ITPK1: variants seen among roughly 807,000 people sequenced by gnomAD.
The protein encoded by ITPK1 is inositol-tetrakisphosphate 1-kinase.
ITPK1 carries 21 observed loss-of-function variants against 45.3 expected under a neutral mutation model. The observed-to-expected ratio is 0.46, with a 90% CI of 0.33 to 0.67. ITPK1 has a LOEUF of 0.67. Among genes scored for constraint, ITPK1 ranks in the 30% least tolerant of loss-of-function variants. The probability of loss-of-function intolerance (pLI) is 0.02; values close to 1 mark genes in which losing one functional copy is unlikely to be tolerated. For missense variants in ITPK1, 474 were observed against 573.5 expected, an observed-to-expected ratio of 0.83 and a Z score of 1.77; for synonymous variants, 258 against 253.6, an observed-to-expected ratio of 1.02 and a Z score of -0.16.
At chr14:93,039,775 T>C (rs1260281078) in intron 3 of ITPK1, among the ~76,000 whole-genome samples, 1 of 152,222 alleles carries the variant, frequency 6.6e-6, no homozygotes, top group Non-Finnish European at 1.5e-5. Context: ...TCAAAAACAC[T>C]TGAGGAGCTA....
chr14:93,111,179 C>T (rs1322123267), intron 2 of ITPK1, among the ~76,000 whole-genome samples: 1 of 152,128 alleles, frequency 6.6e-6, no homozygotes, highest in African/African-American at 2.4e-5. Flanking sequence ...AAAGCTTCAC[C>T]AAGTCATGTG....
chr14:93,088,348 T>TTTTTG (rs1566779303), intron 2 of ITPK1, among the ~76,000 whole-genome samples: 32 of 146,856 alleles, frequency 2.2e-4, no homozygotes, highest in African/African-American at 8.1e-4. Flanking sequence ...TTTGTTTTTT[T>TTTTTG]TTTTTTTTTG....
At position 92,941,826 on chromosome 14, in the gene ITPK1, A is replaced by T; in HGVS notation, c.980T>A (p.Met327Lys). Residue 327 changes from methionine (M) to lysine (K), a missense_variant, in exon 11 of 11, where the codon ATG (methionine) becomes AAG (lysine). Physicochemically the swap from Met to Lys is moderately conservative, Grantham distance 95. This residue lies in a region of ITPK1 where 367 missense variants were observed against 480.6 expected (regional missense o/e 0.76). Coordinates refer to ENST00000267615, the MANE Select transcript of ITPK1 (RefSeq NM_014216.6). The stretch of plus-strand genomic sequence containing the variant: ...CAGGGCCACGTCCCCTGTGGCTGCC[A>T]TGGCTGTGCTCTGGCCCTGCAGGAC... ...ATVLQGQSTA[M>K]AATGDVALLR... 6.2e-7 allele frequency: 1 copy of T among 1,612,108 alleles called. No homozygotes were observed. The highest frequency in any genetic ancestry group is 8.5e-7 in the Non-Finnish European group (1 of 1,179,832).
In ITPK1 at chr14:93,099,227, C is replaced by T. The variant is rs114296184; in HGVS notation, c.95+15842G>A. Among the ~76,000 whole-genome samples the T allele has an allele frequency of 6.5e-3, 991 of 152,236 alleles. 10 individuals are homozygous for T. The highest frequency in any genetic ancestry group is 0.023 in the African/African-American group (944 of 41,536). On this transcript the variant is annotated intron_variant, in intron 2 of 10. Coordinates refer to ENST00000267615, the MANE Select transcript of ITPK1 (RefSeq NM_014216.6). ...TGTCCTGGACAGGAGTGGCCCTCCCCAGACCAACACTCCCCTCCAGCTCCG... is the reference window on the plus strand; with the variant it reads ...TGTCCTGGACAGGAGTGGCCCTCCCTAGACCAACACTCCCCTCCAGCTCCG...
chr14:92,939,627 C>G lies in ITPK1; in HGVS notation c.*1934G>C. The stretch of plus-strand genomic sequence containing the variant: ...CCACCACGGAGGCCTATGGACGCCA[C>G]CACGACACCACATGGCAGTTACTCG... On this transcript the variant is annotated 3_prime_UTR_variant, in exon 11 of 11. Transcript: ENST00000267615. 1 of 971,982 alleles carries G rather than the reference C, an allele frequency of 1.0e-6. No individual in the cohort carries two copies. Among genetic ancestry groups the G allele is most frequent in the Non-Finnish European group, 1.2e-6 (1 of 817,760 alleles). 60.2% of individuals were successfully genotyped at this position (971,982 alleles called of 1,614,324 possible).
chr14:93,049,625 A>T (rs1480169259), intron 3 of ITPK1, among the ~76,000 whole-genome samples: 3 of 151,894 alleles, frequency 2.0e-5, no homozygotes, highest in Non-Finnish European at 2.9e-5. Context: ...TCGATGAAAG[A>T]TCATTCTGCC....
At chr14:93,082,373 C>T (rs1419965817) in intron 2 of ITPK1, among the ~76,000 whole-genome samples, 2 of 152,178 alleles carry the variant, frequency 1.3e-5, no homozygotes, top group African/African-American at 4.8e-5. Flanking sequence ...CTTAGATGAA[C>T]ACAATTCGGG....
chr14:92,960,957 G>T (rs1020560179), intron 7 of ITPK1, among the ~76,000 whole-genome samples: 1 of 152,196 alleles, frequency 6.6e-6, no homozygotes, highest in Admixed American at 6.5e-5. Context: ...ACGGCGGGCT[G>T]TCTCCACACT....
At chr14:93,013,676 C>T (rs960064250) in intron 4 of ITPK1, among the ~76,000 whole-genome samples, 7 of 152,340 alleles carry the variant, frequency 4.6e-5, no homozygotes, top group Non-Finnish European at 8.8e-5. Context: ...ATGGGAGGAC[C>T]CCAGCTCTGG....
At chr14:93,022,527 T>C (rs1888522323) in intron 3 of ITPK1, among the ~76,000 whole-genome samples, 1 of 151,850 alleles carries the variant, frequency 6.6e-6, no homozygotes, top group Non-Finnish European at 1.5e-5. Context: ...TTTTTTTTTT[T>C]TTTTTGAGAC....
In ITPK1 at chr14:92,939,056, A is replaced by T. The variant is rs1887231813; in HGVS notation, c.*2505T>A. ...ACTCAGAAGCAGAAGCTTAGGAACC[A>T]GAGCCCCAAGCCACCCCGATGCTGG... On this transcript the variant is annotated 3_prime_UTR_variant, in exon 11 of 11. Transcript: ENST00000267615. 1 of 156,756 alleles carries T rather than the reference A, an allele frequency of 6.4e-6. No individual in the cohort carries two copies. The highest frequency in any genetic ancestry group is 2.4e-5 in the African/African-American group (1 of 41,532). 9.7% of individuals were successfully genotyped at this position (156,756 alleles called of 1,614,324 possible).
Position 93,032,779 on chromosome 14 carries a change from A to T in ITPK1, c.121-15978T>A, listed in dbSNP as rs1463657580. On this transcript the variant is annotated intron_variant, in intron 3 of 10. Coordinates refer to ENST00000267615, the MANE Select transcript of ITPK1 (RefSeq NM_014216.6). This position sits in a 1 kb window ranked among gnomAD's most constrained non-coding sequence, Gnocchi z 4.0. The stretch of plus-strand genomic sequence containing the variant: ...GCTGTGACCCTGGTGAGTTGCTGGG[A>T]CTCACGAAGGGGCCATCGCACTCTG... 2.6e-5 allele frequency among the ~76,000 whole-genome samples: 4 copies of T among 152,130 alleles called. No individual in the cohort carries two copies. Among genetic ancestry groups the T allele is most frequent in the African/African-American group, 9.7e-5 (4 of 41,432 alleles).
At chr14:93,052,583 G>A (rs1303638362) in intron 3 of ITPK1, among the ~76,000 whole-genome samples, 3 of 152,162 alleles carry the variant, frequency 2.0e-5, no homozygotes, top group Admixed American at 6.5e-5. Flanking sequence ...GTAGGGGGAC[G>A]GGAGATCCTT....
chr14:93,066,501 T>G (rs1595183898), intron 3 of ITPK1: 1 of 322,070 alleles, frequency 3.1e-6, no homozygotes, highest in East Asian at 9.3e-5. Flanking sequence ...GCCTCCCGCG[T>G]TCGCGCCATT....
At chr14:93,083,075 G>A (rs1405100929) in intron 2 of ITPK1, among the ~76,000 whole-genome samples, 2 of 152,204 alleles carry the variant, frequency 1.3e-5, no homozygotes, top group African/African-American at 4.8e-5. Context: ...CTGAGGGAGA[G>A]GGGATGATAA....
intron 2 of ITPK1, among the ~76,000 whole-genome samples, chr14:93,106,961 A>G (rs1892551159): frequency 7.2e-6 from 1 of 138,982 alleles, no homozygotes; most frequent in South Asian, 2.3e-4. Context: ...ATCCACTAAC[A>G]TACTTTTTTT....
intron 3 of ITPK1, among the ~76,000 whole-genome samples, chr14:93,019,180 G>C: frequency 6.6e-6 from 1 of 152,220 alleles, no homozygotes; most frequent in East Asian, 1.9e-4. Flanking sequence ...AGCGCAGGGG[G>C]AGCCGGGCCA....
chr14:93,067,116 C>G (rs1238185088), intron 3 of ITPK1, among the ~76,000 whole-genome samples: 3 of 152,236 alleles, frequency 2.0e-5, no homozygotes, highest in Non-Finnish European at 4.4e-5. Context: ...GCTTCTGGCC[C>G]TTTCTAAAAC....
rs546950315 is a variant in ITPK1, at chr14:93,036,642, G to C, written c.121-19841C>G. 6.6e-6 allele frequency among the ~76,000 whole-genome samples: 1 copy of C among 151,930 alleles called. No homozygotes were observed. The highest frequency in any genetic ancestry group is 1.9e-4 in the East Asian group (1 of 5,162). ...ACCAGGCTCAGCACCCCAGGGGCCG[G>C]GTGAGGGCTCTCCCCCAGGAACACT... On this transcript the variant is annotated intron_variant, in intron 3 of 10. Transcript: ENST00000267615. The surrounding 1 kb of genome is among the most constrained non-coding windows in gnomAD (Gnocchi z 4.1).
Sources: allele counts gnomAD v4.1 joint callset (sites outside exome capture counted in the v4.1 genomes callset), GRCh38; gene constraint gnomAD v4.1.1; regional missense constraint gnomAD v4.1.1; non-coding constraint Gnocchi (gnomAD v3.1); transcripts MANE v1.5; gene names NCBI Gene and HGNC (gene_info 2026-07-23, HGNC 2026-07-21).